The following ITPR3 variants were observed in gnomAD, a reference collection of about 807,000 sequenced individuals.
ITPR3 encodes inositol 1,4,5-trisphosphate receptor type 3.
Under a neutral mutation model 293.2 loss-of-function variants are expected in ITPR3, and 173 were observed. The ratio of observed to expected loss-of-function variants is 0.59; its 90% CI spans 0.52 to 0.67. ITPR3 has a LOEUF of 0.67. ITPR3 is among the 30% of genes least tolerant of loss of function. The probability of loss-of-function intolerance (pLI) is 0.00; values close to 1 mark genes in which losing one functional copy is unlikely to be tolerated. For synonymous variants in ITPR3, 1,295 were observed against 1,444.4 expected (o/e 0.90, Z 2.35); for missense variants, 2,796 against 3,592.1 (o/e 0.78, Z 5.66).
At position 33,668,618 on chromosome 6, in the gene ITPR3, A is replaced by G. The variant is rs1431911980; in HGVS notation, c.1990A>G (p.Ile664Val). The stretch of plus-strand genomic sequence containing the variant: ...TGTGCTGGACCCCAAGAACAGTGAC[A>G]TTCTCATCCGGACCGAGTGAGCCCT... ...KCVLDPKNSD[I>V]LIRTELRPVK... is the part of the protein sequence containing the mutation. The change falls in exon 17 of 58, where the codon ATT becomes GTT. Residue 664 changes from isoleucine to valine, a missense_variant. Physicochemically the swap from Ile to Val is conservative, Grantham distance 29 (BLOSUM62 3). Transcript: ENST00000605930. 1.2e-6 allele frequency: 2 copies of G among 1,614,206 alleles called. No individual in the cohort carries two copies. The highest frequency in any genetic ancestry group is 1.7e-6 in the Non-Finnish European group (2 of 1,180,032).
chr6:33,663,736 A>G lies in ITPR3; in HGVS notation c.1006-2A>G, dbSNP rs1214820913. 5 of 1,613,554 alleles carry G rather than the reference A, an allele frequency of 3.1e-6. No individual in the cohort carries two copies. The highest frequency in any genetic ancestry group is 1.3e-5 in the African/African-American group (1 of 74,908). On this transcript the variant is annotated splice_acceptor_variant, in intron 10 of 57. Transcript: ENST00000605930. LOFTEE classifies it high-confidence loss of function. ...TCTACCTGATTTGGGGTCCTCATCC[A>G]GGGGGCACAGGGCCGCACAGGCCGC...
chr6:33,644,468 C>A (rs1451271126), intron 2 of ITPR3, among the ~76,000 whole-genome samples: 1 of 151,826 alleles, frequency 6.6e-6, no homozygotes, highest in East Asian at 1.9e-4. Flanking sequence ...TAGCCGAAGC[C>A]CCCTACATCT....
intron 2 of ITPR3, among the ~76,000 whole-genome samples, chr6:33,646,776 A>T (rs115696923): frequency 6.6e-6 from 1 of 151,996 alleles, no homozygotes; most frequent in Non-Finnish European, 1.5e-5. Flanking sequence ...AATTAGCTGG[A>T]TGTGGTGGTA....
chr6:33,688,366 T>C lies in ITPR3; in HGVS notation c.6503T>C (p.Val2168Ala). Residue 2168 changes from valine (V) to alanine (A), a missense_variant, in exon 48 of 58, where the codon GTG becomes GCG. By Grantham distance (64) the Val-to-Ala change is moderately conservative. Coordinates refer to ENST00000605930, the MANE Select transcript of ITPR3 (RefSeq NM_002224.4). ...TTEQDEQGSK[V>A]SDFFDQSSFL... ...GAGCAGGACGAGCAGGGCAGCAAAG[T>C]GAGCGACTTCTTCGACCAGTCCTCC... 1.2e-6 allele frequency: 2 copies of C among 1,601,034 alleles called. No homozygotes were observed. The highest frequency in any genetic ancestry group is 1.7e-6 in the Non-Finnish European group (2 of 1,175,848).
In ITPR3 at chr6:33,664,817, T is replaced by A. The variant is rs1017337291; in HGVS notation, c.1149-53T>A. On this transcript the variant is annotated intron_variant, in intron 11 of 57. Coordinates refer to ENST00000605930, the MANE Select transcript of ITPR3 (RefSeq NM_002224.4). The surrounding 1 kb of genome is among the most constrained non-coding windows in gnomAD (Gnocchi z 4.4). ...TGGGGAGGTAGGCCGGCAGGCAGCA[T>A]GACGTGCTCTGTGGTGCACTCCCCG... 5.3e-6 allele frequency: 8 copies of A among 1,507,504 alleles called. No homozygotes were observed. The highest frequency in any genetic ancestry group is 7.3e-6 in the Non-Finnish European group (8 of 1,089,932). 93.4% of individuals were successfully genotyped at this position (1,507,504 alleles called of 1,614,324 possible).
rs553437000 is a variant in ITPR3, at chr6:33,646,939, A to G, written c.160+6385A>G. Among the ~76,000 whole-genome samples, 63 of 152,280 alleles carry G rather than the reference A, an allele frequency of 4.1e-4. 1 individual carries two copies. The highest frequency in any genetic ancestry group is 1.2e-3 in the Admixed American group (19 of 15,282). ...CTCAAAAAAAAAGATGAAAAAAAGTATATTCATTTTAGTTGCATATTGTGG... is the reference window on the plus strand; with the variant it reads ...CTCAAAAAAAAAGATGAAAAAAAGTGTATTCATTTTAGTTGCATATTGTGG... On this transcript the variant is annotated intron_variant, in intron 2 of 57. Transcript: ENST00000605930.
rs757009388 is a variant in ITPR3, at chr6:33,691,288, T to A, written c.7225+179T>A. On this transcript the variant is annotated intron_variant, in intron 52 of 57. Transcript: ENST00000605930. The surrounding 1 kb of genome is among the most constrained non-coding windows in gnomAD (Gnocchi z 4.9). Reference sequence around the variant, plus strand: ...TGCCTCGCTCTTTTCTGGAACACACTGAGTGGGTGGGAGAGCCTTGGGTCT... The same window carrying A: ...TGCCTCGCTCTTTTCTGGAACACACAGAGTGGGTGGGAGAGCCTTGGGTCT... 3.9e-5 allele frequency among the ~76,000 whole-genome samples: 6 copies of A among 152,166 alleles called. No homozygotes were observed. Among genetic ancestry groups the A allele is most frequent in the African/African-American group, 7.2e-5 (3 of 41,450 alleles).
intron 1 of ITPR3, 57 bp from the exon 2 acceptor site, chr6:33,640,427 G>T: frequency 6.5e-7 from 1 of 1,530,816 alleles, no homozygotes; most frequent in Non-Finnish European, 8.9e-7. Flanking sequence ...TAAGGGAAGG[G>T]ATACTGTGGG....
rs1582175574 is a variant in ITPR3, at chr6:33,695,875, C to T, written c.*95C>T. The stretch of plus-strand genomic sequence containing the variant: ...CCTCCCTCGGGTTGGGTGGCCCAGC[C>T]AGCTGGCCAGCCTCCACTCCCACTC... On this transcript the variant is annotated 3_prime_UTR_variant, in exon 58 of 58. Coordinates refer to ENST00000605930, the MANE Select transcript of ITPR3 (RefSeq NM_002224.4). The T allele has an allele frequency of 1.8e-5, 22 of 1,231,724 alleles. 1 individual carries two copies. The East Asian group carries it at 3.8e-4, about 21-fold the overall frequency. The allele number at this position is 1,231,724 out of a possible 1,614,324, so 76.3% of individuals were successfully genotyped here.
intron 1 of ITPR3, among the ~76,000 whole-genome samples, chr6:33,622,106 G>C (rs1763451710): frequency 6.6e-6 from 1 of 152,148 alleles, no homozygotes. Context: ...TCAGCTTGGA[G>C]CCCGTAATCC....
intron 2 of ITPR3, among the ~76,000 whole-genome samples, chr6:33,650,147 C>T (rs9348923): frequency 0.2 from 30,414 of 152,152 alleles, 3,829 homozygotes; most frequent in South Asian, 0.3. Context: ...GCTACCCATC[C>T]ACCCTCCTTC....
Position 33,675,063 on chromosome 6 carries a change from C to G in ITPR3, c.3117-628C>G, listed in dbSNP as rs1466611037. Among the ~76,000 whole-genome samples, 2 of 152,168 alleles carry G rather than the reference C, an allele frequency of 1.3e-5. No individual in the cohort carries two copies. The highest frequency in any genetic ancestry group is 2.9e-5 in the Non-Finnish European group (2 of 68,038). ...TAAAGATGTAACATTTTCTCCATCT[C>G]TGTTCATGGGCCCCGCTTCTATCCA... On this transcript the variant is annotated intron_variant, in intron 24 of 57. Transcript: ENST00000605930. This position sits in a 1 kb window ranked among gnomAD's most constrained non-coding sequence, Gnocchi z 5.0.
At chr6:33,662,848 T>TG (rs1764508313) in intron 8 of ITPR3, 63 bp from the exon 9 acceptor site, 1 of 1,530,258 alleles carries the variant, frequency 6.5e-7, no homozygotes, top group Non-Finnish European at 8.9e-7. Context: ...CAGGCCTCCC[T>TG]GGGGTCTGAC....
chr6:33,682,657 G>A lies in ITPR3; in HGVS notation c.4597+13G>A. ...CTCGCCATGGTGGGTGAGTGTGCCG[G>A]GGCACTGGCCAGCCCCAAACCACTC... On this transcript the variant is annotated intron_variant, in intron 34 of 57. Transcript: ENST00000605930. The surrounding 1 kb of genome is among the most constrained non-coding windows in gnomAD (Gnocchi z 5.4). The A allele has an allele frequency of 6.3e-7, 1 of 1,589,892 alleles. No individual in the cohort carries two copies. Among genetic ancestry groups the A allele is most frequent in the Non-Finnish European group, 8.5e-7 (1 of 1,170,498 alleles).
At position 33,688,037 on chromosome 6, in the gene ITPR3, C is replaced by T. The variant is rs200147601; in HGVS notation, c.6265-20C>T. ...GATGTGGAGGCTGGGGCCTGACCTCCGCGCCCTCCCCACCTCCAGCTCAGC... is the reference window on the plus strand; with the variant it reads ...GATGTGGAGGCTGGGGCCTGACCTCTGCGCCCTCCCCACCTCCAGCTCAGC... On this transcript the variant is annotated intron_variant, in intron 46 of 57. Transcript: ENST00000605930. 261 of 1,599,996 alleles carry T rather than the reference C, an allele frequency of 1.6e-4. No individual in the cohort carries two copies. The East Asian group carries it at 4.6e-3, about 28-fold the overall frequency.
chr6:33,687,335 T>C lies in ITPR3; in HGVS notation c.6177+8T>C. On this transcript the variant is annotated splice_region_variant and intron_variant, in intron 45 of 57. Coordinates refer to ENST00000605930, the MANE Select transcript of ITPR3 (RefSeq NM_002224.4). This position sits in a 1 kb window ranked among gnomAD's most constrained non-coding sequence, Gnocchi z 5.3. ...TATATCCTGGCGCTGCAGGTACCAG[T>C]TCCACCCGTGGCAACGGCCATCACC... The C allele has an allele frequency of 6.3e-7, 1 of 1,597,062 alleles. No individual in the cohort carries two copies. The highest frequency in any genetic ancestry group is 8.6e-7 in the Non-Finnish European group (1 of 1,166,290).
At chr6:33,627,997 G>A (rs1158866964) in intron 1 of ITPR3, among the ~76,000 whole-genome samples, 1 of 152,232 alleles carries the variant, frequency 6.6e-6, no homozygotes, top group East Asian at 1.9e-4. Flanking sequence ...AATCCTGCTG[G>A]AGCCACTTGA....
In ITPR3 at chr6:33,676,749, G is replaced by C; in HGVS notation, c.3283-19G>C. On this transcript the variant is annotated intron_variant, in intron 25 of 57. Transcript: ENST00000605930. ...ACCTGGAGCCCATCTCACCAGCCAGGCCCATCCTCCACCTTCAGGTTCAGC... is the reference window on the plus strand; with the variant it reads ...ACCTGGAGCCCATCTCACCAGCCAGCCCCATCCTCCACCTTCAGGTTCAGC... 6.2e-7 allele frequency: 1 copy of C among 1,613,550 alleles called. No individual in the cohort carries two copies.
chr6:33,688,776 C>T lies in ITPR3; in HGVS notation c.6689C>T (p.Ser2230Phe). ...TTCTACCCTTACATGGAGGGCGCGT[C>T]CACAGGTGAGAACACAGGGCTGGCC... is the stretch of plus-strand genomic sequence containing the variant. ...AFFYPYMEGA[S>F]TGVLDSPLIS... Residue 2230 changes from serine to phenylalanine, a missense_variant, in exon 49 of 58, where the codon TCC becomes TTC. Physicochemically the swap from Ser to Phe is radical, Grantham distance 155. Transcript: ENST00000605930. 1 of 1,614,194 alleles carries T rather than the reference C, an allele frequency of 6.2e-7. No individual in the cohort carries two copies.
Sources: allele counts gnomAD v4.1 joint callset (sites outside exome capture counted in the v4.1 genomes callset), GRCh38; gene constraint gnomAD v4.1.1; non-coding constraint Gnocchi (gnomAD v3.1); transcripts MANE v1.5; gene names NCBI Gene and HGNC (gene_info 2026-07-23, HGNC 2026-07-21).